The following CDH13 variants were observed in gnomAD, a reference collection of about 807,000 sequenced individuals.
The protein encoded by CDH13 is cadherin 13.
Under a neutral mutation model 63.8 loss-of-function variants are expected in CDH13, and 24 were observed. That is an observed-to-expected ratio of 0.38 (90% confidence interval 0.27 to 0.53). CDH13 has a LOEUF of 0.53. CDH13 is among the 20% of genes least tolerant of loss of function. The pLI, the probability that CDH13 is intolerant of heterozygous loss-of-function variation, is 0.85. For synonymous variants in CDH13, 503 were observed against 355.3 expected, an observed-to-expected ratio of 1.42 and a Z score of -4.67; for missense variants, 1,049 against 903.1, an observed-to-expected ratio of 1.16 and a Z score of -2.07.
chr16:82,672,231 C>A lies in CDH13; in HGVS notation c.45+45094C>A, dbSNP rs139790414. On this transcript the variant is annotated intron_variant, in intron 1 of 13. Coordinates refer to ENST00000567109, the MANE Select transcript of CDH13 (RefSeq NM_001257.5). ...AAATAGAAATAATAACAATAACTAT[C>A]TCATGGGGTTATTATAAGAGTCAAC... is the stretch of plus-strand genomic sequence containing the variant. Among the ~76,000 whole-genome samples, 1,197 of 152,324 alleles carry A rather than the reference C, an allele frequency of 7.9e-3. 12 individuals carry two copies. Among genetic ancestry groups the A allele is most frequent in the African/African-American group, 0.022 (931 of 41,560 alleles).
At chr16:83,608,696 C>A (rs1265255366) in intron 8 of CDH13, among the ~76,000 whole-genome samples, 1 of 138,254 alleles carries the variant, frequency 7.2e-6, no homozygotes, top group African/African-American at 2.7e-5. Flanking sequence ...TTTGTAGAGG[C>A]GAGGTTCTGC....
At chr16:83,195,061 G>T (rs1322004996) in intron 4 of CDH13, among the ~76,000 whole-genome samples, 2 of 152,106 alleles carry the variant, frequency 1.3e-5, no homozygotes, top group African/African-American at 4.8e-5. Context: ...CCTTTCCTGG[G>T]TGTCTATCCT....
chr16:82,974,894 G>A (rs971578127), intron 2 of CDH13, among the ~76,000 whole-genome samples: 1 of 152,204 alleles, frequency 6.6e-6, no homozygotes, highest in Admixed American at 6.5e-5. Flanking sequence ...AAGCCATTAA[G>A]TTCCTGGGGA....
chr16:82,894,431 C>G (rs918846472), intron 2 of CDH13, among the ~76,000 whole-genome samples: 1 of 152,150 alleles, frequency 6.6e-6, no homozygotes, highest in Non-Finnish European at 1.5e-5. Flanking sequence ...CACCTGAAGT[C>G]AAGAGTTCGA....
intron 5 of CDH13, among the ~76,000 whole-genome samples, chr16:83,248,275 G>T (rs1467192829): frequency 6.6e-6 from 1 of 152,140 alleles, no homozygotes; most frequent in Admixed American, 6.5e-5. Flanking sequence ...TGGGTGAGAA[G>T]AAGGAGAAAC....
chr16:83,136,934 C>T (rs2036315471), intron 4 of CDH13, among the ~76,000 whole-genome samples: 2 of 152,226 alleles, frequency 1.3e-5, no homozygotes, highest in African/African-American at 4.8e-5. Context: ...AATTCTCCCA[C>T]AGCGGCCAGT....
intron 4 of CDH13, among the ~76,000 whole-genome samples, chr16:83,168,563 T>C (rs1378360489): frequency 6.6e-6 from 1 of 152,014 alleles, no homozygotes; most frequent in East Asian, 1.9e-4. Flanking sequence ...AATTAACTTA[T>C]TCTGATTATA....
intron 7 of CDH13, among the ~76,000 whole-genome samples, chr16:83,557,417 C>T (rs2075626124): frequency 6.6e-6 from 1 of 152,196 alleles, no homozygotes; most frequent in African/African-American, 2.4e-5. Flanking sequence ...AAATTGCCTT[C>T]CACAAAACTG....
chr16:83,784,355 G>C (rs1915734876), intron 13 of CDH13, among the ~76,000 whole-genome samples: 2 of 152,140 alleles, frequency 1.3e-5, no homozygotes, highest in Admixed American at 1.3e-4. Flanking sequence ...TGAAGGGCCA[G>C]GCACGGTGGC....
chr16:83,157,581 C>G (rs544750178), intron 4 of CDH13, among the ~76,000 whole-genome samples: 5 of 152,186 alleles, frequency 3.3e-5, no homozygotes, highest in African/African-American at 1.2e-4. Context: ...CAGGAAAATA[C>G]CACATTGCCT....
intron 6 of CDH13, among the ~76,000 whole-genome samples, chr16:83,417,916 G>C (rs1163819379): frequency 1.3e-5 from 2 of 152,090 alleles, no homozygotes; most frequent in Non-Finnish European, 2.9e-5. Context: ...AATCATAACT[G>C]TTTTCCCCTC....
intron 2 of CDH13, among the ~76,000 whole-genome samples, chr16:83,027,949 T>C (rs1183377801): frequency 1.3e-5 from 2 of 152,224 alleles, no homozygotes. Flanking sequence ...TGTTCAACAT[T>C]ATAACCTCAG....
At chr16:83,278,634 A>G (rs1448476651) in intron 5 of CDH13, among the ~76,000 whole-genome samples, 1 of 152,202 alleles carries the variant, frequency 6.6e-6, no homozygotes, top group Non-Finnish European at 1.5e-5. Context: ...TCAACCATCC[A>G]GAGTTTACTC....
chr16:83,791,867 T>C (rs1261112925), intron 13 of CDH13, among the ~76,000 whole-genome samples: 1 of 150,884 alleles, frequency 6.6e-6, no homozygotes, highest in Non-Finnish European at 1.5e-5. Context: ...TAAACACTTT[T>C]AAAATTTTAT....
At chr16:82,685,850 C>G (rs530826662) in intron 1 of CDH13, among the ~76,000 whole-genome samples, 9 of 152,300 alleles carry the variant, frequency 5.9e-5, no homozygotes, top group East Asian at 1.9e-4. Flanking sequence ...AAAACAGAAC[C>G]TTTGTTTTAA....
chr16:82,847,762 A>G (rs1347879259), intron 1 of CDH13, among the ~76,000 whole-genome samples: 1 of 152,184 alleles, frequency 6.6e-6, no homozygotes, highest in African/African-American at 2.4e-5. Context: ...AGCAAAGAGC[A>G]TGTGAAGGCC....
At chr16:82,697,857 G>A (rs1367500843) in intron 1 of CDH13, among the ~76,000 whole-genome samples, 1 of 152,026 alleles carries the variant, frequency 6.6e-6, no homozygotes, top group Non-Finnish European at 1.5e-5. Flanking sequence ...TTGCACTGCT[G>A]ATAATAGCTT....
At chr16:83,196,131 C>T (rs1035101247) in intron 4 of CDH13, among the ~76,000 whole-genome samples, 1 of 152,122 alleles carries the variant, frequency 6.6e-6, no homozygotes, top group African/African-American at 2.4e-5. Context: ...TGGTGGGCAC[C>T]TGTAGTGCCA....
chr16:82,793,522 G>A (rs1056678733), intron 1 of CDH13, among the ~76,000 whole-genome samples: 3 of 152,234 alleles, frequency 2.0e-5, no homozygotes, highest in Non-Finnish European at 2.9e-5. Context: ...TTCAAAGACC[G>A]TTCTCCTGAA....
Sources: gnomAD v4.1 joint callset for allele counts (sites outside exome capture counted in the v4.1 genomes callset) on GRCh38, gnomAD v4.1.1 for gene constraint, MANE v1.5 for transcripts, NCBI Gene and HGNC (gene_info 2026-07-23, HGNC 2026-07-21) for gene names.